Variants in TRIO observed in about 807,000 individuals in gnomAD.
TRIO encodes trio Rho guanine nucleotide exchange factor, also known as triple functional domain protein.
A neutral mutation model predicts 351.9 loss-of-function variants in TRIO; 58 were observed. That is an observed-to-expected ratio of 0.16 (90% CI 0.13 to 0.21). The LOEUF is 0.21. TRIO is among the 10% of genes least tolerant of loss of function. The pLI is 1.00. For missense variants in TRIO, 3,201 were observed against 4,027.8 expected, an observed-to-expected ratio of 0.79 and a Z score of 5.56; for synonymous variants, 1,758 against 1,595.7, an observed-to-expected ratio of 1.10 and a Z score of -2.42.
At chr5:14,307,887 A>T (rs532309808) in intron 8 of TRIO, among the ~76,000 whole-genome samples, 1 of 152,306 alleles carries the variant, frequency 6.6e-6, no homozygotes, top group East Asian at 1.9e-4. Context: ...TTGTTTGTTT[A>T]TATCAGTATG....
chr5:14,388,592 C>T (rs896029259), intron 23 of TRIO, 21 bp from the exon 24 acceptor site: 1 of 1,607,946 alleles, frequency 6.2e-7, no homozygotes, highest in South Asian at 1.1e-5. Context: ...CTGTACTCCT[C>T]ACTGTCTTCC....
chr5:14,362,533 A>T (rs1190153184), intron 13 of TRIO, among the ~76,000 whole-genome samples: 2 of 152,084 alleles, frequency 1.3e-5, no homozygotes, highest in Non-Finnish European at 2.9e-5. Flanking sequence ...AAATAACTAG[A>T]TTGGTTGTCA....
intron 34 of TRIO, among the ~76,000 whole-genome samples, chr5:14,444,014 TAA>T (rs1057487255): frequency 1.3e-5 from 2 of 152,074 alleles, no homozygotes; most frequent in African/African-American, 4.8e-5. Flanking sequence ...TGACTCTCCT[TAA>T]CACTGAACAG....
Position 14,496,949 on chromosome 5 carries a change from A to G in TRIO, c.7951A>G (p.Arg2651Gly). ...TGAGAAAAAAGATAAAGACGGCAAA[A>G]GGGAAGGCAAGTTAGAGAACGGTTA... The part of the protein sequence containing the change: ...KSEKKDKDGK[R>G]EGKLENGYRK... Residue 2651 changes from arginine (R) to glycine (G), a missense_variant, in exon 50 of 57, where the codon AGG (arginine) becomes GGG (glycine). Arg to Gly is a moderately radical substitution (Grantham distance 125). This residue lies in a region of TRIO where 1,089 missense variants were observed against 954.9 expected (regional missense o/e 1.14). Transcript: ENST00000344204. 1 of 1,614,224 alleles carries G rather than the reference A, an allele frequency of 6.2e-7. No individual in the cohort carries two copies. The highest frequency in any genetic ancestry group is 8.5e-7 in the Non-Finnish European group (1 of 1,180,030).
chr5:14,262,604 C>T (rs1379524353), intron 1 of TRIO, among the ~76,000 whole-genome samples: 1 of 152,090 alleles, frequency 6.6e-6, no homozygotes, highest in Non-Finnish European at 1.5e-5. Flanking sequence ...ATTAGGAGAT[C>T]GCTGGAATAG....
At chr5:14,258,939 T>C (rs1795180272) in intron 1 of TRIO, among the ~76,000 whole-genome samples, 1 of 152,220 alleles carries the variant, frequency 6.6e-6, no homozygotes, top group Non-Finnish European at 1.5e-5. Flanking sequence ...AGGGCACTGA[T>C]GCGCAGTCCT....
chr5:14,375,415 C>T (rs768555217), intron 19 of TRIO, among the ~76,000 whole-genome samples: 3 of 152,160 alleles, frequency 2.0e-5, no homozygotes, highest in South Asian at 2.1e-4. Flanking sequence ...GTTTGACACA[C>T]GTTTTTGTGT....
At chr5:14,338,059 A>G (rs772573902) in intron 11 of TRIO, among the ~76,000 whole-genome samples, 1 of 152,156 alleles carries the variant, frequency 6.6e-6, no homozygotes, top group South Asian at 2.1e-4. Context: ...TTAAATGGAC[A>G]TTGTTCTGTG....
chr5:14,264,635 AGGGG>A (rs1795552635), intron 1 of TRIO, among the ~76,000 whole-genome samples: 1 of 152,108 alleles, frequency 6.6e-6, no homozygotes, highest in Non-Finnish European at 1.5e-5. Context: ...CATGTTCATT[AGGGG>A]ATCTAGGCTT....
At chr5:14,235,047 GC>G (rs1793681079) in intron 1 of TRIO, among the ~76,000 whole-genome samples, 1 of 152,062 alleles carries the variant, frequency 6.6e-6, no homozygotes, top group Non-Finnish European at 1.5e-5. Flanking sequence ...ATTAACAGAA[GC>G]TTTAAGAACA....
intron 10 of TRIO, among the ~76,000 whole-genome samples, chr5:14,334,312 G>C (rs541949950): frequency 6.6e-6 from 1 of 152,140 alleles, no homozygotes; most frequent in Non-Finnish European, 1.5e-5. Flanking sequence ...TCAGAGGCAC[G>C]AGTGCTGACA....
chr5:14,324,965 T>G (rs991421686), intron 9 of TRIO, among the ~76,000 whole-genome samples: 2 of 152,168 alleles, frequency 1.3e-5, no homozygotes, highest in African/African-American at 4.8e-5. Context: ...TAGAACCAAG[T>G]TTTGAAAAAT....
intron 34 of TRIO, among the ~76,000 whole-genome samples, chr5:14,444,573 C>T (rs977290290): frequency 4.6e-5 from 7 of 152,084 alleles, no homozygotes; most frequent in Admixed American, 1.3e-4. Context: ...CTGCAGTTTC[C>T]TCATGTGTTT....
At position 14,369,535 on chromosome 5, in the gene TRIO, G is replaced by A. The variant is rs765498435; in HGVS notation, c.3216+12G>A. 5 of 1,611,346 alleles carry A rather than the reference G, an allele frequency of 3.1e-6. No homozygotes were observed. Among genetic ancestry groups the A allele is most frequent in the South Asian group, 1.1e-5 (1 of 90,704 alleles). On this transcript the variant is annotated intron_variant, in intron 18 of 56. Transcript: ENST00000344204. ...AGGCATTCCTGAAGGTAGGGGCAGCGCTGCGGGACAGTGCACCCATCAGAG... is the reference window on the plus strand; with the variant it reads ...AGGCATTCCTGAAGGTAGGGGCAGCACTGCGGGACAGTGCACCCATCAGAG...
In TRIO at chr5:14,378,088, G is replaced by C. The variant is rs1307018857; in HGVS notation, c.3408G>C (p.Gln1136His). 1.2e-6 allele frequency: 2 copies of C among 1,613,442 alleles called. No homozygotes were observed. Among genetic ancestry groups the C allele is most frequent in the Admixed American group, 1.7e-5 (1 of 59,958 alleles). ...YWTMRKRRLD[Q>H]CQQYVVFERS... is the part of the protein sequence containing the mutation. ...CCATGAGGAAGAGACGGCTGGACCA[G>C]TGTCAGCAGTACGTGGTCTTTGAGA... is the stretch of plus-strand genomic sequence containing the variant. Residue 1136 changes from glutamine to histidine, a missense_variant, in exon 20 of 57, where the codon CAG becomes CAC. This residue lies in a region of TRIO where 201 missense variants were observed against 266.5 expected (regional missense o/e 0.75). Transcript: ENST00000344204.
chr5:14,230,204 T>G (rs1793316653), intron 1 of TRIO, among the ~76,000 whole-genome samples: 2 of 152,220 alleles, frequency 1.3e-5, no homozygotes, highest in South Asian at 4.1e-4. Context: ...TTTCCTCCAC[T>G]TATGTGATAG....
At chr5:14,157,303 T>G (rs1166401956) in intron 1 of TRIO, among the ~76,000 whole-genome samples, 1 of 152,196 alleles carries the variant, frequency 6.6e-6, no homozygotes, top group African/African-American at 2.4e-5. Context: ...TTATGTGCAG[T>G]CAGTCCCAGA....
chr5:14,187,677 C>T (rs763671256), intron 1 of TRIO, among the ~76,000 whole-genome samples: 2 of 152,106 alleles, frequency 1.3e-5, no homozygotes, highest in Non-Finnish European at 2.9e-5. Context: ...AAGTAGATGC[C>T]ACATAAAAGT....
chr5:14,223,960 A>G (rs758455176), intron 1 of TRIO, among the ~76,000 whole-genome samples: 1 of 152,214 alleles, frequency 6.6e-6, no homozygotes, highest in Non-Finnish European at 1.5e-5. Flanking sequence ...CTTGATATCC[A>G]GGAAGTACAT....
Sources: allele counts gnomAD v4.1 joint callset (sites outside exome capture counted in the v4.1 genomes callset), GRCh38; gene constraint gnomAD v4.1.1; regional missense constraint gnomAD v4.1.1; transcripts MANE v1.5; gene names NCBI Gene and HGNC (gene_info 2026-07-23, HGNC 2026-07-21).